GALNT17: variants seen among roughly 807,000 people sequenced by gnomAD.
The protein encoded by GALNT17 is UDP-GalNAc:polypeptide N-acetylgalactosaminyltransferase-like 3.
GALNT17 carries 29 observed loss-of-function variants against 63.7 expected under a neutral mutation model. The observed-to-expected ratio is 0.46, with a 90% CI of 0.34 to 0.62. GALNT17 has a LOEUF of 0.62. GALNT17 is among the 20% of genes least tolerant of loss of function. GALNT17 has a pLI of 0.01. For missense variants in GALNT17, 603 were observed against 799.6 expected (o/e 0.75, Z 2.97); for synonymous variants, 305 against 318.3 (o/e 0.96, Z 0.45).
chr7:71,674,147 A>G (rs1000136397), intron 8 of GALNT17, among the ~76,000 whole-genome samples: 1 of 152,226 alleles, frequency 6.6e-6, no homozygotes, highest in African/African-American at 2.4e-5. Flanking sequence ...TATCGGAAAT[A>G]TAAAGATGAA....
intron 1 of GALNT17, among the ~76,000 whole-genome samples, chr7:71,181,837 A>G (rs2116315028): frequency 6.6e-6 from 1 of 151,128 alleles, no homozygotes; most frequent in Admixed American, 6.6e-5. Context: ...TGATGGCACC[A>G]TTGCACTCCA....
At chr7:71,592,515 A>ATAAAATAAAATAAAG (rs1374820077) in intron 6 of GALNT17, among the ~76,000 whole-genome samples, 997 of 85,096 alleles carry the variant, frequency 0.012, 9 homozygotes, top group South Asian at 0.03. Context: ...ATAAAATAAA[A>ATAAAATAAAATAAAG]TAAAATAAAA....
intron 6 of GALNT17, among the ~76,000 whole-genome samples, chr7:71,600,570 A>T (rs1012809481): frequency 6.6e-6 from 1 of 152,070 alleles, no homozygotes; most frequent in African/African-American, 2.4e-5. Context: ...TATAGATAGG[A>T]AACAGACAGA....
At chr7:71,439,946 T>A in intron 5 of GALNT17, among the ~76,000 whole-genome samples, 1 of 148,380 alleles carries the variant, frequency 6.7e-6, no homozygotes, top group Non-Finnish European at 1.5e-5. Flanking sequence ...AGGCCCTCTT[T>A]TTTTTTTTTT....
In GALNT17 at chr7:71,494,861, C is replaced by T. The variant is rs559495832; in HGVS notation, c.962+73756C>T. Reference sequence around the variant, plus strand: ...ATGGCAGCAGGCAGGAAAGCTTGTGCGGGGGAACTCCCGTTTATACAACCA... The same window carrying T: ...ATGGCAGCAGGCAGGAAAGCTTGTGTGGGGGAACTCCCGTTTATACAACCA... On this transcript the variant is annotated intron_variant, in intron 5 of 10. Coordinates refer to ENST00000333538, the MANE Select transcript of GALNT17 (RefSeq NM_022479.3). Among the ~76,000 whole-genome samples, 20 of 152,256 alleles carry T rather than the reference C, an allele frequency of 1.3e-4. No homozygotes were observed. The South Asian group carries it at 3.1e-3, about 24-fold the overall frequency.
intron 1 of GALNT17, among the ~76,000 whole-genome samples, chr7:71,267,146 C>G (rs763540367): frequency 5.9e-5 from 9 of 152,224 alleles, no homozygotes; most frequent in African/African-American, 2.2e-4. Flanking sequence ...TGCCTCACTC[C>G]GTTTGCTAGG....
At chr7:71,611,880 G>C (rs1236948882) in intron 6 of GALNT17, among the ~76,000 whole-genome samples, 2 of 151,974 alleles carry the variant, frequency 1.3e-5, no homozygotes, top group Non-Finnish European at 2.9e-5. Flanking sequence ...AGTATTGGGA[G>C]TGTGTGGTAC....
intron 9 of GALNT17, among the ~76,000 whole-genome samples, chr7:71,681,217 A>G (rs1285517650): frequency 6.6e-6 from 1 of 152,076 alleles, no homozygotes; most frequent in Non-Finnish European, 1.5e-5. Context: ...TTGCATTTCC[A>G]GCTGATTTCT....
chr7:71,252,533 G>C (rs1035946978), intron 1 of GALNT17, among the ~76,000 whole-genome samples: 1 of 151,984 alleles, frequency 6.6e-6, no homozygotes, highest in African/African-American at 2.4e-5. Context: ...AAAAAAAGGT[G>C]GTAAAACCTA....
intron 1 of GALNT17, among the ~76,000 whole-genome samples, chr7:71,286,249 G>A (rs528167850): frequency 1.8e-4 from 27 of 152,308 alleles, no homozygotes; most frequent in Admixed American, 1.4e-3. Context: ...AGTAAATCTT[G>A]CTCTGCCCAC....
intron 5 of GALNT17, among the ~76,000 whole-genome samples, chr7:71,550,421 C>T (rs1276382951): frequency 2.6e-5 from 4 of 151,918 alleles, no homozygotes; most frequent in Non-Finnish European, 4.4e-5. Flanking sequence ...CGCTCTGTCC[C>T]CCAGGCTGGA....
intron 2 of GALNT17, among the ~76,000 whole-genome samples, chr7:71,356,219 C>T (rs1248764527): frequency 1.3e-5 from 2 of 151,928 alleles, no homozygotes; most frequent in Admixed American, 6.6e-5. Flanking sequence ...CTCAAATGAT[C>T]CTCTTGCCTT....
intron 5 of GALNT17, among the ~76,000 whole-genome samples, chr7:71,550,248 A>G (rs553449481): frequency 5.3e-5 from 8 of 152,146 alleles, no homozygotes; most frequent in Non-Finnish European, 1.0e-4. Flanking sequence ...GGTTTAGCAT[A>G]TTACCTTTTA....
At chr7:71,233,366 C>G (rs1789829361) in intron 1 of GALNT17, among the ~76,000 whole-genome samples, 1 of 152,180 alleles carries the variant, frequency 6.6e-6, no homozygotes, top group Non-Finnish European at 1.5e-5. Context: ...CATCCTCCAT[C>G]AGCATCGTGT....
intron 9 of GALNT17, among the ~76,000 whole-genome samples, chr7:71,705,388 A>C (rs79929199): frequency 0.016 from 2,450 of 152,314 alleles, 60 homozygotes; most frequent in African/African-American, 0.057. Context: ...ATGTGGAGAA[A>C]TTGAAACCCC....
intron 5 of GALNT17, among the ~76,000 whole-genome samples, chr7:71,447,772 T>G (rs1787186031): frequency 6.6e-6 from 1 of 152,200 alleles, no homozygotes; most frequent in Admixed American, 6.5e-5. Flanking sequence ...CCTTAATTTG[T>G]TTTCTATATA....
At chr7:71,401,097 C>CTTTTTTTTTTTT (rs544794124) in intron 3 of GALNT17, among the ~76,000 whole-genome samples, 3 of 140,060 alleles carry the variant, frequency 2.1e-5, no homozygotes, top group Non-Finnish European at 4.7e-5. Context: ...TTTTCTTTTT[C>CTTTTTTTTTTTT]TTTTTTTTTT....
chr7:71,670,904 G>A (rs201195670), intron 8 of GALNT17, among the ~76,000 whole-genome samples: 6,617 of 150,122 alleles, frequency 0.044, 183 homozygotes, highest in Middle Eastern at 0.076. Flanking sequence ...GTGTGTGTGC[G>A]TGTGTGTGTG....
chr7:71,608,695 T>G (rs1384073977), intron 6 of GALNT17, among the ~76,000 whole-genome samples: 1 of 151,986 alleles, frequency 6.6e-6, no homozygotes, highest in African/African-American at 2.4e-5. Flanking sequence ...ACTGGGGTCA[T>G]AGAAGACCCT....
Sources: allele counts gnomAD v4.1 joint callset (sites outside exome capture counted in the v4.1 genomes callset), GRCh38; gene constraint gnomAD v4.1.1; transcripts MANE v1.5; gene names NCBI Gene and HGNC (gene_info 2026-07-23, HGNC 2026-07-21).